TMEM87B: variants seen among roughly 807,000 people sequenced by gnomAD.
TMEM87B encodes transmembrane protein 87B.
Under a neutral mutation model 80.3 loss-of-function variants are expected in TMEM87B, and 83 were observed. That is an observed-to-expected ratio of 1.03 (90% confidence interval 0.87 to 1.24). The LOEUF is 1.24. Ranked by LOEUF, TMEM87B falls within the 50% of genes most tolerant of loss-of-function variation. The pLI, the probability that TMEM87B is intolerant of heterozygous loss-of-function variation, is 0.00. For missense variants in TMEM87B, 625 were observed against 674.4 expected (o/e 0.93, Z 0.81); for synonymous variants, 219 against 230.5 (o/e 0.95, Z 0.45).
chr2:112,081,613 T>G (rs2104476232), intron 8 of TMEM87B, 95 bp downstream of exon 8: 2 of 1,127,568 alleles, frequency 1.8e-6, no homozygotes, highest in Admixed American at 5.0e-5. Context: ...GAACAGTGGT[T>G]TGGAAACAGA....
Position 112,067,013 on chromosome 2 carries a change from A to G in TMEM87B, c.396A>G (p.Thr132=). The change falls in exon 4 of 19, where the codon ACA becomes ACG. Residue 132 remains threonine, a synonymous_variant. Coordinates refer to ENST00000283206, the MANE Select transcript of TMEM87B (RefSeq NM_032824.3). ...HYLKNDNCWT[T]KNENLDCNSD... Reference sequence around the variant, plus strand: ...TGAAGAATGACAACTGTTGGACAACAAAAAATGAAAACTTAGATTGCAACA... The same window carrying G: ...TGAAGAATGACAACTGTTGGACAACGAAAAATGAAAACTTAGATTGCAACA... 1 of 1,612,076 alleles carries G rather than the reference A, an allele frequency of 6.2e-7. No homozygotes were observed. Among genetic ancestry groups the G allele is most frequent in the South Asian group, 1.1e-5 (1 of 90,314 alleles).
chr2:112,080,413 C>T (rs1245945970), intron 6 of TMEM87B, among the ~76,000 whole-genome samples: 1 of 152,102 alleles, frequency 6.6e-6, no homozygotes, highest in Non-Finnish European at 1.5e-5. Context: ...GTGCTCGCCA[C>T]CACGCCCGGC....
intron 15 of TMEM87B, among the ~76,000 whole-genome samples, chr2:112,101,222 C>T (rs1483138423): frequency 1.3e-5 from 2 of 152,124 alleles, no homozygotes; most frequent in Non-Finnish European, 2.9e-5. Context: ...GTAATTTTAT[C>T]TTTGTTTCAT....
Position 112,097,956 on chromosome 2 carries a change from C to G in TMEM87B, c.1273-639C>G, listed in dbSNP as rs78056241. On this transcript the variant is annotated intron_variant, in intron 13 of 18. Coordinates refer to ENST00000283206, the MANE Select transcript of TMEM87B (RefSeq NM_032824.3). ...TGGCATGTTTCTAGGATCGTGTGTT[C>G]AGTATGGGCATTCGAGCGATGTTTT... Among the ~76,000 whole-genome samples, 760 of 151,526 alleles carry G rather than the reference C, an allele frequency of 5.0e-3. 5 individuals carry two copies. The highest frequency in any genetic ancestry group is 0.018 in the African/African-American group (724 of 41,290).
intron 13 of TMEM87B, among the ~76,000 whole-genome samples, chr2:112,097,523 G>A (rs571911564): frequency 2.2e-4 from 33 of 151,862 alleles, no homozygotes; most frequent in African/African-American, 7.5e-4. Context: ...TCAGGAGATC[G>A]AGACCATCCT....
At chr2:112,087,798 A>G (rs1679189943) in intron 9 of TMEM87B, among the ~76,000 whole-genome samples, 3 of 152,048 alleles carry the variant, frequency 2.0e-5, no homozygotes, top group Non-Finnish European at 4.4e-5. Flanking sequence ...TCTGTACCTC[A>G]GCCTCCCCAG....
At chr2:112,076,839 G>GTT (rs1478581933) in intron 5 of TMEM87B, among the ~76,000 whole-genome samples, 1 of 127,120 alleles carries the variant, frequency 7.9e-6, no homozygotes, top group Admixed American at 8.3e-5. Context: ...TTCCTTTTCT[G>GTT]TTTTGTGTGT....
intron 17 of TMEM87B, among the ~76,000 whole-genome samples, chr2:112,112,580 C>T (rs1456926079): frequency 6.6e-6 from 1 of 152,254 alleles, no homozygotes; most frequent in East Asian, 1.9e-4. Flanking sequence ...CTGAAGTCTA[C>T]AACTGTAGAT....
chr2:112,102,886 G>A (rs1049347890), intron 15 of TMEM87B, among the ~76,000 whole-genome samples: 1 of 151,964 alleles, frequency 6.6e-6, no homozygotes, highest in Non-Finnish European at 1.5e-5. Flanking sequence ...TCAAGATTAG[G>A]GATAAAGTGC....
At chr2:112,085,706 GA>G (rs1470136827) in intron 8 of TMEM87B, among the ~76,000 whole-genome samples, 1 of 152,220 alleles carries the variant, frequency 6.6e-6, no homozygotes, top group African/African-American at 2.4e-5. Context: ...AGGACAAGAA[GA>G]GAGAGTTCTG....
chr2:112,058,810 GGAA>G, intron 1 of TMEM87B, among the ~76,000 whole-genome samples: 1 of 152,328 alleles, frequency 6.6e-6, no homozygotes, highest in Non-Finnish European at 1.5e-5. Flanking sequence ...GAGATGGAGA[GGAA>G]GAACTAAATT....
chr2:112,097,776 G>A (rs1007102057), intron 13 of TMEM87B, among the ~76,000 whole-genome samples: 11 of 146,560 alleles, frequency 7.5e-5, no homozygotes, highest in Non-Finnish European at 1.6e-4. Flanking sequence ...AAGTTCCTCC[G>A]AAATCTCCTT....
chr2:112,070,997 A>AT (rs902997004), intron 4 of TMEM87B, among the ~76,000 whole-genome samples: 16 of 145,968 alleles, frequency 1.1e-4, no homozygotes, highest in East Asian at 2.1e-4. Flanking sequence ...AATTTTTTGT[A>AT]TTTTTTTTTA....
chr2:112,081,802 A>C (rs769509730), intron 8 of TMEM87B, among the ~76,000 whole-genome samples: 1 of 152,198 alleles, frequency 6.6e-6, no homozygotes, highest in Non-Finnish European at 1.5e-5. Context: ...TTAAAACAGC[A>C]CAAAGTTCGG....
At chr2:112,091,196 CGCCATT>C (rs1558843032) in intron 10 of TMEM87B, among the ~76,000 whole-genome samples, 1 of 151,116 alleles carries the variant, frequency 6.6e-6, no homozygotes, top group East Asian at 1.9e-4. Flanking sequence ...GCTGAGATTG[CGCCATT>C]GCACTCCAGC....
chr2:112,106,228 C>G lies in TMEM87B; in HGVS notation c.1524+153C>G, dbSNP rs1018416144. The stretch of plus-strand genomic sequence containing the variant: ...TATAAAAATTAGTGTTGCCAAGTGC[C>G]AAGTAGCAATCCTGGTTGTCCATAA... On this transcript the variant is annotated intron_variant, in intron 16 of 18. Coordinates refer to ENST00000283206, the MANE Select transcript of TMEM87B (RefSeq NM_032824.3). Among the ~76,000 whole-genome samples the G allele has an allele frequency of 6.6e-5, 10 of 152,278 alleles. No homozygotes were observed. The East Asian group carries it at 1.9e-3, about 29-fold the overall frequency.
At chr2:112,089,053 G>C (rs1375184431) in intron 9 of TMEM87B, among the ~76,000 whole-genome samples, 1 of 152,110 alleles carries the variant, frequency 6.6e-6, no homozygotes, top group African/African-American at 2.4e-5. Context: ...GAGCCACTGC[G>C]CCTCGCCCAA....
chr2:112,060,131 AG>A, intron 2 of TMEM87B, 94 bp downstream of exon 2: 1 of 1,328,086 alleles, frequency 7.5e-7, no homozygotes, highest in Non-Finnish European at 9.8e-7. Context: ...GTGGATCACA[AG>A]GTCGGGAGTT....
intron 4 of TMEM87B, among the ~76,000 whole-genome samples, chr2:112,074,596 G>T (rs1409358162): frequency 6.6e-6 from 1 of 152,112 alleles, no homozygotes; most frequent in African/African-American, 2.4e-5. Context: ...TCCTGAATTT[G>T]AATGTTGGCC....
Sources: gnomAD v4.1 joint callset for allele counts (sites outside exome capture counted in the v4.1 genomes callset) on GRCh38, gnomAD v4.1.1 for gene constraint, MANE v1.5 for transcripts, NCBI Gene and HGNC (gene_info 2026-07-23, HGNC 2026-07-21) for gene names.